The following DDX27 variants were observed in gnomAD, a reference collection of about 807,000 sequenced individuals.
DDX27 encodes the protein DEAD-box helicase 27, also known as probable ATP-dependent RNA helicase DDX27.
DDX27 carries 42 observed loss-of-function variants against 99.3 expected under a neutral mutation model. The ratio of observed to expected loss-of-function variants is 0.42; its 90% CI spans 0.33 to 0.55. DDX27 has a LOEUF of 0.55. Ranked by LOEUF, DDX27 falls within the 20% of genes least tolerant of loss-of-function variation. The probability of loss-of-function intolerance (pLI) is 0.07; values close to 1 mark genes in which losing one functional copy is unlikely to be tolerated. For missense variants in DDX27, 798 were observed against 976.8 expected (o/e 0.82, Z 2.44); for synonymous variants, 329 against 353.8 (o/e 0.93, Z 0.79).
Position 49,243,801 on chromosome 20 carries a change from C to G in DDX27, c.2280-15C>G. 1 of 1,614,172 alleles carries G rather than the reference C, an allele frequency of 6.2e-7. No homozygotes were observed. Among genetic ancestry groups the G allele is most frequent in the Non-Finnish European group, 8.5e-7 (1 of 1,180,026 alleles). The stretch of plus-strand genomic sequence containing the variant: ...CTCCATCCTCATTCTGGTCTTAACT[C>G]TGATTTTCTTACAGATACAAGAGGA... On this transcript the variant is annotated splice_polypyrimidine_tract_variant and intron_variant, in intron 20 of 20. Transcript: ENST00000618172.
intron 1 of DDX27, 123 bp from the exon 2 acceptor site, chr20:49,221,329 C>G (rs960328632): frequency 9.3e-7 from 1 of 1,073,342 alleles, no homozygotes; most frequent in Non-Finnish European, 1.4e-6. Flanking sequence ...CTGACCTTGT[C>G]TGCGTGCCTT....
chr20:49,235,055 A>G lies in DDX27; in HGVS notation c.1394A>G (p.Asn465Ser). ...CTGCAGGTGGGTGAGCTCCATGGCA[A>G]CTTGTCACAGACGCAGCGGCTGGAG... Reference protein sequence around the residue: ...MGLQVGELHGNLSQTQRLEAL... With the variant: ...MGLQVGELHGSLSQTQRLEAL... The change falls in exon 12 of 21, where the codon AAC (asparagine) becomes AGC (serine). Residue 465 changes from asparagine to serine, a missense_variant. Coordinates refer to ENST00000618172, the MANE Select transcript of DDX27 (RefSeq NM_017895.8). The G allele has an allele frequency of 1.9e-6, 3 of 1,612,474 alleles. No homozygotes were observed. The highest frequency in any genetic ancestry group is 2.5e-6 in the Non-Finnish European group (3 of 1,179,268).
At chr20:49,228,998 G>GT (rs1228699111) in intron 8 of DDX27, 110 bp downstream of exon 8, 1 of 835,062 alleles carries the variant, frequency 1.2e-6, no homozygotes, top group Non-Finnish European at 1.7e-6. Context: ...AGAGGCCTTT[G>GT]TGTTGATTGA....
At chr20:49,239,164 A>C (rs1265699263) in intron 15 of DDX27, 72 bp from the exon 16 acceptor site, 1 of 1,543,254 alleles carries the variant, frequency 6.5e-7, no homozygotes, top group Non-Finnish European at 8.9e-7. Flanking sequence ...AGCCCCAGGC[A>C]TTTGCAGCCC....
intron 6 of DDX27, 89 bp from the exon 7 acceptor site, chr20:49,226,341 G>A: frequency 1.1e-6 from 1 of 877,320 alleles, no homozygotes; most frequent in Non-Finnish European, 1.8e-6. Flanking sequence ...GATTGGTGTG[G>A]TCCCCACTTG....
At chr20:49,233,507 T>C in intron 10 of DDX27, 61 bp from the exon 11 acceptor site, 1 of 1,601,900 alleles carries the variant, frequency 6.2e-7, no homozygotes, top group Non-Finnish European at 8.5e-7. Context: ...GGGTGAGCAC[T>C]GCTTCCTCCT....
At chr20:49,242,714 ATTCTTT>A in intron 19 of DDX27, 33 bp downstream of exon 19, 1 of 1,360,762 alleles carries the variant, frequency 7.3e-7, no homozygotes, top group African/African-American at 1.9e-5. Context: ...AGCCCTTGGT[ATTCTTT>A]TTTTTTTTTT....
chr20:49,226,857 C>CTGTTTTTTTT (rs1979908469), intron 7 of DDX27, among the ~76,000 whole-genome samples: 1 of 63,460 alleles, frequency 1.6e-5, no homozygotes, highest in Non-Finnish European at 2.8e-5. Context: ...GAGTAAAGGA[C>CTGTTTTTTTT]TTTTTTTTTT....
intron 9 of DDX27, chr20:49,232,783 A>AAT (rs1320216639): frequency 1.7e-4 from 31 of 187,066 alleles, no homozygotes; most frequent in Non-Finnish European, 2.8e-4. Context: ...AAAAAAAAAA[A>AAT]AAAAAAATTA....
At chr20:49,233,453 G>A in intron 10 of DDX27, 48 bp downstream of exon 10, 1 of 1,605,926 alleles carries the variant, frequency 6.2e-7, no homozygotes, top group Non-Finnish European at 8.5e-7. Flanking sequence ...TGCCCAGAGG[G>A]GGCCATGCAG....
chr20:49,243,601 C>T (rs1258845875), intron 19 of DDX27, 28 bp from the exon 20 acceptor site: 2 of 1,610,760 alleles, frequency 1.2e-6, no homozygotes, highest in Admixed American at 1.7e-5. Flanking sequence ...ACAGTTTGCT[C>T]ATTTCAGCAT....
intron 14 of DDX27, 156 bp from the exon 15 acceptor site, chr20:49,238,793 A>C: frequency 1.6e-5 from 2 of 124,290 alleles, no homozygotes; most frequent in Non-Finnish European, 1.4e-5. Context: ...TTTTTTTTGT[A>C]GAGACAGAGT....
chr20:49,235,969 TC>T (rs1980289479), intron 12 of DDX27, 180 bp from the exon 13 acceptor site: 1 of 453,130 alleles, frequency 2.2e-6, no homozygotes, highest in East Asian at 3.7e-5. Flanking sequence ...GGTCTCGATC[TC>T]CTGACCTCGT....
chr20:49,230,491 G>A (rs1980069362), intron 9 of DDX27, 142 bp downstream of exon 9: 3 of 952,804 alleles, frequency 3.1e-6, no homozygotes, highest in African/African-American at 1.7e-5. Context: ...ACTTGTGCTG[G>A]GGCCTCTGCC....
At chr20:49,233,501 G>C in intron 10 of DDX27, 67 bp from the exon 11 acceptor site, 1 of 1,601,542 alleles carries the variant, frequency 6.2e-7, no homozygotes, top group Non-Finnish European at 8.5e-7. Context: ...TGCCTGGGGT[G>C]AGCACTGCTT....
Position 49,230,278 on chromosome 20 carries a change from C to G in DDX27, c.960C>G (p.Ile320Met). The G allele has an allele frequency of 6.2e-7, 1 of 1,613,088 alleles. No homozygotes were observed. Among genetic ancestry groups the G allele is most frequent in the Non-Finnish European group, 8.5e-7 (1 of 1,180,008 alleles). ...TCATCGCCACCCCAGGCCGGCTCAT[C>G]GATCACCTCCACAACTGCCCTTCCT... is the stretch of plus-strand genomic sequence containing the variant. ...DILIATPGRL[I>M]DHLHNCPSFH... Residue 320 changes from isoleucine (I) to methionine (M), a missense_variant, in exon 9 of 21, where the codon ATC becomes ATG. By Grantham distance (10) the Ile-to-Met change is conservative. This residue lies in a region of DDX27 where 553 missense variants were observed against 727.9 expected (regional missense o/e 0.76). Coordinates refer to ENST00000618172, the MANE Select transcript of DDX27 (RefSeq NM_017895.8).
At position 49,224,362 on chromosome 20, in the gene DDX27, C is replaced by CTTTTTTTTTTTTTTTT. The variant is rs10654735; in HGVS notation, c.467-580_467-579insTTTTTTTTTTTTTTTT. Among the ~76,000 whole-genome samples the CTTTTTTTTTTTTTTTT allele has an allele frequency of 1.4e-5, 2 of 140,822 alleles. 1 individual carries two copies. 92.4% of individuals were successfully genotyped at this position (140,822 alleles called of 152,430 possible). ...GTGGGTGCTCAATAAGTATTTCTTT[C>CTTTTTTTTTTTTTTTT]TTTCTTTTTTTTTTTTTGAGATGGA... On this transcript the variant is annotated intron_variant, in intron 4 of 20. Coordinates refer to ENST00000618172, the MANE Select transcript of DDX27 (RefSeq NM_017895.8).
intron 7 of DDX27, among the ~76,000 whole-genome samples, chr20:49,228,498 C>T (rs1370961330): frequency 6.6e-6 from 1 of 152,170 alleles, no homozygotes; most frequent in Non-Finnish European, 1.5e-5. Context: ...GTCTTGAACT[C>T]CTGACCTCAG....
intron 7 of DDX27, 104 bp downstream of exon 7, chr20:49,226,639 T>G (rs1188765975): frequency 5.7e-6 from 4 of 698,678 alleles, no homozygotes; most frequent in Non-Finnish European, 9.3e-6. Flanking sequence ...TATTCTTGGT[T>G]TTTTGAACTA....
Sources: gnomAD v4.1 joint callset for allele counts (sites outside exome capture counted in the v4.1 genomes callset) on GRCh38, gnomAD v4.1.1 for gene constraint, gnomAD v4.1.1 regional missense constraint, MANE v1.5 for transcripts, NCBI Gene and HGNC (gene_info 2026-07-23, HGNC 2026-07-21) for gene names.